The following LHFPL4 variants were observed in gnomAD, a reference collection of about 807,000 sequenced individuals.
LHFPL4 encodes LHFPL tetraspan subfamily member 4.
Under a neutral mutation model 20.0 loss-of-function variants are expected in LHFPL4, and 6 were observed. The observed-to-expected ratio is 0.30, with a 90% CI of 0.16 to 0.59. The LOEUF is 0.59. Ranked by LOEUF, LHFPL4 falls within the 20% of genes least tolerant of loss-of-function variation. The pLI is 0.88. For missense variants in LHFPL4, 215 were observed against 331.2 expected (o/e 0.65, Z 2.72); for synonymous variants, 129 against 143.8 (o/e 0.90, Z 0.74).
chr3:9,543,783 T>G lies in LHFPL4; in HGVS notation c.406+8491A>C, dbSNP rs187056220. Among the ~76,000 whole-genome samples the G allele has an allele frequency of 2.2e-4, 29 of 131,754 alleles. No homozygotes were observed. In the East Asian group the frequency reaches 6.3e-3, roughly 29 times the overall value. The allele number at this position is 131,754 out of a possible 152,430, so 86.4% of individuals were successfully genotyped here. ...TCTCACTCTGTCACCCAGGCTGGAGTGCAGTGGCACAATCACGGCTCAGTG... is the reference window on the plus strand; with the variant it reads ...TCTCACTCTGTCACCCAGGCTGGAGGGCAGTGGCACAATCACGGCTCAGTG... On this transcript the variant is annotated intron_variant, in intron 2 of 3. Coordinates refer to ENST00000287585, the MANE Select transcript of LHFPL4 (RefSeq NM_198560.3).
rs561499470 is a variant in LHFPL4, at chr3:9,532,733, C to T, written c.406+19541G>A. 2.7e-3 allele frequency among the ~76,000 whole-genome samples: 405 copies of T among 152,276 alleles called. 2 individuals are homozygous for T. The highest frequency in any genetic ancestry group is 4.5e-3 in the Non-Finnish European group (308 of 68,032). On this transcript the variant is annotated intron_variant, in intron 2 of 3. Transcript: ENST00000287585. ...TTCAGTTGCCCCTCTGTGCATGACT[C>T]AACACAGCTGCCACCTGTTATAGGG...
chr3:9,539,288 G>A (rs571893370), intron 2 of LHFPL4, among the ~76,000 whole-genome samples: 2 of 151,540 alleles, frequency 1.3e-5, no homozygotes, highest in East Asian at 2.0e-4. Flanking sequence ...ACTCCATCTC[G>A]ACTAAAAAAT....
rs183051755 is a variant in LHFPL4, at chr3:9,530,901, C to G, written c.406+21373G>C. On this transcript the variant is annotated intron_variant, in intron 2 of 3. Coordinates refer to ENST00000287585, the MANE Select transcript of LHFPL4 (RefSeq NM_198560.3). ...AGCGTGAGCCACCAGGCCCAGCCCA[C>G]ATTTCAATCTTTTGATTTAACGTGA... Among the ~76,000 whole-genome samples the G allele has an allele frequency of 1.9e-3, 286 of 152,192 alleles. 2 individuals carry two copies. Among genetic ancestry groups the G allele is most frequent in the African/African-American group, 6.5e-3 (268 of 41,532 alleles).
At chr3:9,524,931 C>T (rs960526649) in intron 2 of LHFPL4, among the ~76,000 whole-genome samples, 3 of 152,190 alleles carry the variant, frequency 2.0e-5, no homozygotes, top group African/African-American at 7.2e-5. Flanking sequence ...ACAAAGAGGT[C>T]TCCGTCTTTT....
rs555124343 is a variant in LHFPL4 at position 9,505,622 on chromosome 3, C to T, written c.643+345G>A. On this transcript the variant is annotated intron_variant, in intron 3 of 3. Coordinates refer to ENST00000287585, the MANE Select transcript of LHFPL4 (RefSeq NM_198560.3). Reference sequence around the variant, plus strand: ...TGTATTTTTAGTAGAGACAGGGTTTCACCGTGTTAGCCAGGATGGTCTGGA... The same window carrying T: ...TGTATTTTTAGTAGAGACAGGGTTTTACCGTGTTAGCCAGGATGGTCTGGA... 2.0e-5 allele frequency among the ~76,000 whole-genome samples: 3 copies of T among 152,264 alleles called. No individual in the cohort carries two copies. The South Asian group carries it at 6.2e-4, about 32-fold the overall frequency.
intron 2 of LHFPL4, among the ~76,000 whole-genome samples, chr3:9,518,951 T>G (rs1002901225): frequency 6.9e-6 from 1 of 145,462 alleles, no homozygotes; most frequent in Non-Finnish European, 1.5e-5. Flanking sequence ...ATTTATTTAT[T>G]TAGAGACAGA....
intron 2 of LHFPL4, among the ~76,000 whole-genome samples, chr3:9,515,172 T>C (rs74957884): frequency 0.023 from 3,553 of 152,340 alleles, 140 homozygotes; most frequent in African/African-American, 0.081. Context: ...TTGGTGTCAG[T>C]GTTCTGGATG....
chr3:9,517,760 G>A (rs112094689), intron 2 of LHFPL4, among the ~76,000 whole-genome samples: 8 of 142,868 alleles, frequency 5.6e-5, no homozygotes, highest in East Asian at 2.0e-4. Context: ...CTATATTGAC[G>A]TTATATTCTG....
intron 2 of LHFPL4, among the ~76,000 whole-genome samples, chr3:9,547,267 G>A (rs1226803637): frequency 1.3e-5 from 2 of 152,204 alleles, no homozygotes; most frequent in Non-Finnish European, 2.9e-5. Flanking sequence ...GAGATTACAG[G>A]CCTGGGCCAC....
chr3:9,543,931 C>T (rs2046495219), intron 2 of LHFPL4, among the ~76,000 whole-genome samples: 8 of 151,912 alleles, frequency 5.3e-5, no homozygotes, highest in Admixed American at 5.3e-4. Context: ...CCATGTTGCC[C>T]AGGCTGGTCT....
chr3:9,505,576 C>T (rs1227689722), intron 3 of LHFPL4, among the ~76,000 whole-genome samples: 2 of 152,110 alleles, frequency 1.3e-5, no homozygotes, highest in Non-Finnish European at 2.9e-5. Flanking sequence ...GCCTCAGCCT[C>T]CCAAGTCCGG....
Position 9,552,696 on chromosome 3 carries a change from G to GC in LHFPL4, c.-18dup. 2 of 1,353,436 alleles carry GC rather than the reference G, an allele frequency of 1.5e-6. No individual in the cohort carries two copies. Among genetic ancestry groups the GC allele is most frequent in the Non-Finnish European group, 1.9e-6 (2 of 1,048,870 alleles). 83.8% of individuals were successfully genotyped at this position (1,353,436 alleles called of 1,614,324 possible). A position where few individuals can be genotyped will look rare whatever the true frequency, so the allele number is the denominator to read the frequency against. On this transcript the variant is annotated 5_prime_UTR_variant, in exon 2 of 4. Transcript: ENST00000287585. ...GGGCAGCATGGTGCCCGGAGGCGGGGCCGGCGGCGGCGGCGGCTGGCGGGG... is the reference window on the plus strand; with the variant it reads ...GGGCAGCATGGTGCCCGGAGGCGGGGCCCGGCGGCGGCGGCGGCTGGCGGGG...
At chr3:9,517,337 G>A (rs183207643) in intron 2 of LHFPL4, among the ~76,000 whole-genome samples, 44 of 152,180 alleles carry the variant, frequency 2.9e-4, no homozygotes, top group African/African-American at 9.4e-4. Context: ...TCCTACCCAT[G>A]AACATGGTAT....
chr3:9,524,223 C>CT (rs200712776), intron 2 of LHFPL4, among the ~76,000 whole-genome samples: 730 of 144,542 alleles, frequency 5.1e-3, no homozygotes, highest in Non-Finnish European at 7.6e-3. Flanking sequence ...TGTTTGTTTG[C>CT]TTTTTTTTTT....
chr3:9,515,873 C>G (rs568723066), intron 2 of LHFPL4, among the ~76,000 whole-genome samples: 1 of 151,910 alleles, frequency 6.6e-6, no homozygotes, highest in African/African-American at 2.4e-5. Flanking sequence ...TGCCACCAGA[C>G]CTGGCTAATT....
At chr3:9,546,945 T>C (rs1221062642) in intron 2 of LHFPL4, among the ~76,000 whole-genome samples, 1 of 152,114 alleles carries the variant, frequency 6.6e-6, no homozygotes, top group Admixed American at 6.6e-5. Context: ...AGGCCCACAG[T>C]TGGAAAGTGG....
chr3:9,535,652 TC>T (rs2046440245), intron 2 of LHFPL4, among the ~76,000 whole-genome samples: 1 of 152,182 alleles, frequency 6.6e-6, no homozygotes, highest in African/African-American at 2.4e-5. Context: ...GCTGTTTGTG[TC>T]CGCTGACAGT....
chr3:9,523,980 A>AT (rs932265821), intron 2 of LHFPL4, among the ~76,000 whole-genome samples: 1 of 124,694 alleles, frequency 8.0e-6, no homozygotes, highest in African/African-American at 3.1e-5. Context: ...CTAGGCTAGT[A>AT]TTTCCCCCCC....
At chr3:9,547,738 T>C (rs900639692) in intron 2 of LHFPL4, among the ~76,000 whole-genome samples, 4 of 152,242 alleles carry the variant, frequency 2.6e-5, no homozygotes, top group Non-Finnish European at 5.9e-5. Context: ...ATGCTGTTGC[T>C]ATCCCCACAA....
Sources: allele counts gnomAD v4.1 joint callset (sites outside exome capture counted in the v4.1 genomes callset), GRCh38; gene constraint gnomAD v4.1.1; transcripts MANE v1.5; gene names NCBI Gene and HGNC (gene_info 2026-07-23, HGNC 2026-07-21).